The following RAI1 variants were observed in gnomAD, a reference collection of about 807,000 sequenced individuals.
RAI1 encodes the protein retinoic acid induced 1, also known as retinoic acid-induced protein 1.
In RAI1, 9 loss-of-function variants were observed where a neutral mutation model predicts 123.8. The ratio of observed to expected loss-of-function variants is 0.07; its 90% CI spans 0.04 to 0.13. The LOEUF is 0.13. RAI1 is among the 10% of genes least tolerant of loss of function. The pLI is 1.00. For synonymous variants in RAI1, 1,231 were observed against 1,127.3 expected (o/e 1.09, Z -1.84); for missense variants, 2,256 against 2,545.8 (o/e 0.89, Z 2.45).
intron 2 of RAI1, among the ~76,000 whole-genome samples, chr17:17,739,934 C>T (rs1365523779): frequency 6.6e-6 from 1 of 152,230 alleles, no homozygotes; most frequent in East Asian, 1.9e-4. Flanking sequence ...CAAGCACATA[C>T]AGCCGCTGAG....
intron 1 of RAI1, among the ~76,000 whole-genome samples, chr17:17,700,477 T>G (rs1192657655): frequency 6.6e-6 from 1 of 151,952 alleles, no homozygotes; most frequent in Non-Finnish European, 1.5e-5. Flanking sequence ...CGTCTTCTCG[T>G]TCTTATGCTA....
chr17:17,803,475 C>T (rs2032526624), intron 3 of RAI1, among the ~76,000 whole-genome samples: 1 of 152,100 alleles, frequency 6.6e-6, no homozygotes. Context: ...CGGCTCACTG[C>T]AGCCTCAACC....
chr17:17,798,559 G>A (rs1355008247), intron 3 of RAI1, 46 bp downstream of exon 3: 1 of 1,595,230 alleles, frequency 6.3e-7, no homozygotes, highest in Admixed American at 1.7e-5. Flanking sequence ...GGTTCCAAAG[G>A]ACAGGCAGGC....
intron 2 of RAI1, among the ~76,000 whole-genome samples, chr17:17,790,417 C>T (rs202043684): frequency 6.6e-6 from 1 of 152,202 alleles, no homozygotes; most frequent in East Asian, 1.9e-4. Flanking sequence ...GATGCTTTCA[C>T]CGCATCCAGC....
chr17:17,691,028 A>C (rs1914818707), intron 1 of RAI1, among the ~76,000 whole-genome samples: 1 of 152,202 alleles, frequency 6.6e-6, no homozygotes, highest in Non-Finnish European at 1.5e-5. Context: ...GGGAAAATGA[A>C]ATTTCTACAT....
rs79864383 is a variant in RAI1, at chr17:17,697,567, A to G, written c.-149+15774A>G. ...GGCCGAGATTGATGTGCTGAACATGATTTATTTATCTGGATTTGCTCTTGT... is the reference window on the plus strand; with the variant it reads ...GGCCGAGATTGATGTGCTGAACATGGTTTATTTATCTGGATTTGCTCTTGT... On this transcript the variant is annotated intron_variant, in intron 1 of 5. Transcript: ENST00000353383. 3.3e-3 allele frequency among the ~76,000 whole-genome samples: 496 copies of G among 152,302 alleles called. 7 individuals are homozygous for G. Among genetic ancestry groups the G allele is most frequent in the East Asian group, 0.024 (125 of 5,190 alleles).
At chr17:17,718,170 G>T (rs921723039) in intron 1 of RAI1, among the ~76,000 whole-genome samples, 2 of 152,160 alleles carry the variant, frequency 1.3e-5, no homozygotes, top group African/African-American at 4.8e-5. Context: ...GGCCACCAAG[G>T]CAAGCCTTCT....
At chr17:17,732,053 G>A (rs1013917065) in intron 2 of RAI1, among the ~76,000 whole-genome samples, 2 of 151,944 alleles carry the variant, frequency 1.3e-5, no homozygotes, top group Non-Finnish European at 1.5e-5. Flanking sequence ...GCTTCCTCTC[G>A]GTGAGGCCTC....
intron 2 of RAI1, among the ~76,000 whole-genome samples, chr17:17,775,399 T>C (rs2031305714): frequency 6.6e-6 from 1 of 151,996 alleles, no homozygotes; most frequent in Non-Finnish European, 1.5e-5. Context: ...AAATGGGGTC[T>C]CATCATGTCA....
rs190818068 is a variant in RAI1, at chr17:17,756,937, C to T, written c.-17+32778C>T. ...CATGACTGTTGCCATTGTTATTAAC[C>T]GCATGCCCATTGCCTTTCAGAGTTT... On this transcript the variant is annotated intron_variant, in intron 2 of 5. Coordinates refer to ENST00000353383, the MANE Select transcript of RAI1 (RefSeq NM_030665.4). Among the ~76,000 whole-genome samples the T allele has an allele frequency of 4.6e-5, 7 of 152,306 alleles. No homozygotes were observed. The East Asian group carries it at 5.8e-4, about 13-fold the overall frequency.
intron 4 of RAI1, among the ~76,000 whole-genome samples, chr17:17,805,822 G>A (rs11652881): frequency 0.44 from 66,257 of 152,076 alleles, 18,209 homozygotes; most frequent in Non-Finnish European, 0.63. Flanking sequence ...GCATGTGGCC[G>A]CACTCCCCAT....
At chr17:17,808,065 T>A (rs759818281) in intron 4 of RAI1, among the ~76,000 whole-genome samples, 2 of 152,108 alleles carry the variant, frequency 1.3e-5, no homozygotes, top group Non-Finnish European at 2.9e-5. Flanking sequence ...AGGAAGATTG[T>A]GTTGGAGAGA....
chr17:17,683,948 A>C (rs546255615), intron 1 of RAI1: 78 of 152,324 alleles, frequency 5.1e-4, no homozygotes, highest in Middle Eastern at 3.4e-3. Context: ...AACACAGCTC[A>C]CTTCAGCCTC....
chr17:17,729,117 C>T (rs921109806), intron 2 of RAI1, among the ~76,000 whole-genome samples: 1 of 152,194 alleles, frequency 6.6e-6, no homozygotes, highest in Non-Finnish European at 1.5e-5. Flanking sequence ...CTTGCTCCTC[C>T]CCAACACTGG....
chr17:17,783,745 C>G (rs933539619), intron 2 of RAI1, among the ~76,000 whole-genome samples: 1 of 151,262 alleles, frequency 6.6e-6, no homozygotes, highest in African/African-American at 2.4e-5. Flanking sequence ...CCGGTGACCC[C>G]CCTCCACCTC....
Position 17,793,604 on chromosome 17 carries a change from C to G in RAI1, c.656C>G (p.Ser219Cys), listed in dbSNP as rs2032106300. The change falls in exon 3 of 6, where the codon TCC becomes TGC. Residue 219 changes from serine to cysteine, a missense_variant. Ser to Cys is a moderately radical substitution (Grantham distance 112, BLOSUM62 -1). This residue lies in a region of RAI1 where 336 missense variants were observed against 349.8 expected (regional missense o/e 0.96). Coordinates refer to ENST00000353383, the MANE Select transcript of RAI1 (RefSeq NM_030665.4). ...FPQHSQSFPT[S>C]STYSSSVQGG... ...CAGCATTCCCAGTCCTTCCCCACCTCCTCCACCTACTCCTCCTCTGTCCAG... is the reference window on the plus strand; with the variant it reads ...CAGCATTCCCAGTCCTTCCCCACCTGCTCCACCTACTCCTCCTCTGTCCAG... The G allele has an allele frequency of 2.5e-6, 4 of 1,613,596 alleles. No homozygotes were observed. Among genetic ancestry groups the G allele is most frequent in the Non-Finnish European group, 3.4e-6 (4 of 1,179,986 alleles).
At chr17:17,715,069 A>AG (rs1386532591) in intron 1 of RAI1, among the ~76,000 whole-genome samples, 2 of 152,104 alleles carry the variant, frequency 1.3e-5, no homozygotes, top group Non-Finnish European at 2.9e-5. Context: ...AGAACTGCCC[A>AG]GGGGCACACA....
intron 2 of RAI1, among the ~76,000 whole-genome samples, chr17:17,754,191 CTTTTTTTTTTTTTTTTT>C (rs1158475382): frequency 6.6e-5 from 5 of 75,720 alleles, no homozygotes; most frequent in Non-Finnish European, 1.0e-4. Flanking sequence ...CTAACCCAAT[CTTTTTTTTTTTTTTTTT>C]TTTTTTTTTT....
chr17:17,810,812 G>A lies in RAI1; in HGVS notation c.*831G>A. 2.2e-6 allele frequency: 1 copy of A among 454,830 alleles called. No homozygotes were observed. The allele number at this position is 454,830 out of a possible 1,614,324, so 28.2% of individuals were successfully genotyped here. On this transcript the variant is annotated 3_prime_UTR_variant, in exon 6 of 6. Transcript: ENST00000353383. This position sits in a 1 kb window ranked among gnomAD's most constrained non-coding sequence, Gnocchi z 4.6. ...CCAGAACGCACCTCCGGCTCCGGCG[G>A]ACGCGCGACCGTTGTGCACCACCAG...
Sources: gnomAD v4.1 joint callset for allele counts (sites outside exome capture counted in the v4.1 genomes callset) on GRCh38, gnomAD v4.1.1 for gene constraint, gnomAD v4.1.1 regional missense constraint, Gnocchi (gnomAD v3.1) non-coding constraint, MANE v1.5 for transcripts, NCBI Gene and HGNC (gene_info 2026-07-23, HGNC 2026-07-21) for gene names.